TSPAN9: variants seen among roughly 807,000 people sequenced by gnomAD.
TSPAN9 encodes tetraspanin-9.
In TSPAN9, 16 loss-of-function variants were observed where a neutral mutation model predicts 31.0. The ratio of observed to expected loss-of-function variants is 0.52; its 90% CI spans 0.35 to 0.78. The LOEUF (loss-of-function observed/expected upper bound fraction) is 0.78, where lower values mean the gene tolerates loss of function less well. Among genes scored for constraint, TSPAN9 ranks in the 30% least tolerant of loss-of-function variants. The probability of loss-of-function intolerance (pLI) is 0.01; values close to 1 mark genes in which losing one functional copy is unlikely to be tolerated. For missense variants in TSPAN9, 272 were observed against 312.5 expected (o/e 0.87, Z 0.98); for synonymous variants, 145 against 121.6 (o/e 1.19, Z -1.27).
chr12:3,088,635 A>G (rs554877243), intron 2 of TSPAN9, among the ~76,000 whole-genome samples: 1 of 152,244 alleles, frequency 6.6e-6, no homozygotes, highest in Admixed American at 6.5e-5. Context: ...CAGGGAGAAC[A>G]CTGGAGACCA....
At chr12:3,198,160 C>CCACCACCAGCACAGCT (rs1591671611) in intron 2 of TSPAN9, among the ~76,000 whole-genome samples, 1 of 26,272 alleles carries the variant, frequency 3.8e-5, no homozygotes, top group Non-Finnish European at 8.2e-5. Context: ...CCAGCACAGG[C>CCACCACCAGCACAGCT]CACCACCAGC....
chr12:3,262,376 T>A (rs1862465688), intron 3 of TSPAN9, among the ~76,000 whole-genome samples: 1 of 151,942 alleles, frequency 6.6e-6, no homozygotes, highest in Admixed American at 6.6e-5. Context: ...GCTGCTCTTT[T>A]TTTTTTTTTC....
chr12:3,258,428 G>A (rs1187133132), intron 3 of TSPAN9, among the ~76,000 whole-genome samples: 1 of 152,136 alleles, frequency 6.6e-6, no homozygotes, highest in Non-Finnish European at 1.5e-5. Context: ...GAGAGGGCAG[G>A]CCCTAGATTA....
chr12:3,104,559 G>T (rs1396835463), intron 2 of TSPAN9, among the ~76,000 whole-genome samples: 1 of 152,024 alleles, frequency 6.6e-6, no homozygotes, highest in African/African-American at 2.4e-5. Context: ...TTGCTATGTT[G>T]CCCAGGTTGG....
chr12:3,231,104 T>C (rs2098390519), intron 3 of TSPAN9, among the ~76,000 whole-genome samples: 2 of 152,190 alleles, frequency 1.3e-5, no homozygotes, highest in Non-Finnish European at 2.9e-5. Flanking sequence ...ATTGTGGTTT[T>C]TTAAAAATAA....
chr12:3,125,147 A>T (rs979480887), intron 2 of TSPAN9: 14 of 152,140 alleles, frequency 9.2e-5, no homozygotes, highest in East Asian at 3.8e-4. Context: ...AATTTTTTTT[A>T]AAAAAGAAGA....
In TSPAN9 at chr12:3,180,946, A is replaced by G. The variant is rs556132217; in HGVS notation, c.-17-20231A>G. Among the ~76,000 whole-genome samples, 14 of 151,610 alleles carry G rather than the reference A, an allele frequency of 9.2e-5. No homozygotes were observed. The South Asian group carries it at 2.9e-3, about 32-fold the overall frequency. On this transcript the variant is annotated intron_variant, in intron 2 of 8. Transcript: ENST00000011898. ...CAGGCGCTTAGGTGGTGCTAGAGGT[A>G]CCGCACGGCTCAGATGTAGGAGTTC...
intron 2 of TSPAN9, among the ~76,000 whole-genome samples, chr12:3,133,892 G>C (rs752718967): frequency 6.6e-6 from 1 of 152,190 alleles, no homozygotes; most frequent in Non-Finnish European, 1.5e-5. Flanking sequence ...CCCAGGCGCA[G>C]TTTCTAGCTT....
intron 3 of TSPAN9, among the ~76,000 whole-genome samples, chr12:3,212,968 G>A (rs185768180): frequency 2.7e-4 from 41 of 151,764 alleles, no homozygotes; most frequent in Non-Finnish European, 4.9e-4. Flanking sequence ...AGCAGAGGGA[G>A]TGGGGAGGGT....
intron 2 of TSPAN9, among the ~76,000 whole-genome samples, chr12:3,105,970 C>T (rs775584591): frequency 8.5e-5 from 13 of 152,090 alleles, no homozygotes; most frequent in South Asian, 2.1e-4. Context: ...CGTGCTCATT[C>T]GTATGTGCAG....
intron 3 of TSPAN9, among the ~76,000 whole-genome samples, chr12:3,270,692 A>G (rs960710092): frequency 6.6e-6 from 1 of 152,208 alleles, no homozygotes; most frequent in Admixed American, 6.5e-5. Context: ...GTGACTGGGC[A>G]TTTATCCCAC....
intron 2 of TSPAN9, among the ~76,000 whole-genome samples, chr12:3,110,561 G>A (rs2098318032): frequency 6.6e-6 from 1 of 152,036 alleles, no homozygotes. Flanking sequence ...TCAGCCTTGT[G>A]GGAAAGGAAC....
chr12:3,158,843 A>G (rs757671891), intron 2 of TSPAN9, among the ~76,000 whole-genome samples: 1 of 151,474 alleles, frequency 6.6e-6, no homozygotes, highest in Non-Finnish European at 1.5e-5. Context: ...TTGCTTGGAC[A>G]GCCCTCACCC....
At chr12:3,272,251 A>C (rs1268130454) in intron 3 of TSPAN9, among the ~76,000 whole-genome samples, 1 of 152,148 alleles carries the variant, frequency 6.6e-6, no homozygotes, top group Non-Finnish European at 1.5e-5. Flanking sequence ...ACCTGAGGGC[A>C]CTGGGGGTTC....
At chr12:3,161,169 C>G (rs556026490) in intron 2 of TSPAN9, among the ~76,000 whole-genome samples, 17 of 151,852 alleles carry the variant, frequency 1.1e-4, no homozygotes, top group African/African-American at 2.4e-4. Flanking sequence ...TGGGATGAGT[C>G]GAGATTGCAC....
At chr12:3,263,497 G>T (rs1862487192) in intron 3 of TSPAN9, among the ~76,000 whole-genome samples, 1 of 152,246 alleles carries the variant, frequency 6.6e-6, no homozygotes, top group South Asian at 2.1e-4. Flanking sequence ...TGAGCAGGAG[G>T]GTCTGAAGGA....
intron 2 of TSPAN9, among the ~76,000 whole-genome samples, chr12:3,137,355 A>G (rs962580936): frequency 1.3e-5 from 2 of 152,138 alleles, no homozygotes; most frequent in African/African-American, 4.8e-5. Flanking sequence ...ACTGGAACAC[A>G]TAAGTGCCTG....
At chr12:3,219,945 A>G (rs1023199096) in intron 3 of TSPAN9, among the ~76,000 whole-genome samples, 5 of 151,802 alleles carry the variant, frequency 3.3e-5, no homozygotes, top group African/African-American at 1.2e-4. Context: ...ACCTGAGGTC[A>G]GGAGTTCGAG....
At chr12:3,273,198 CA>C (rs1862717566) in intron 3 of TSPAN9, 1 of 152,244 alleles carries the variant, frequency 6.6e-6, no homozygotes, top group Non-Finnish European at 1.5e-5. Flanking sequence ...GATTTAACCA[CA>C]AAAACAACAG....
Sources: allele counts gnomAD v4.1 joint callset (sites outside exome capture counted in the v4.1 genomes callset), GRCh38; gene constraint gnomAD v4.1.1; transcripts MANE v1.5; gene names NCBI Gene and HGNC (gene_info 2026-07-23, HGNC 2026-07-21).